The following LATS1 variants were observed in gnomAD, a reference collection of about 807,000 sequenced individuals.
LATS1 encodes the protein large tumor suppressor kinase 1, also known as serine/threonine-protein kinase LATS1.
Under a neutral mutation model 106.6 loss-of-function variants are expected in LATS1, and 25 were observed. The observed-to-expected ratio is 0.23, with a 90% CI of 0.17 to 0.33. The LOEUF (loss-of-function observed/expected upper bound fraction) is 0.33. Among genes scored for constraint, LATS1 ranks in the 10% least tolerant of loss-of-function variants. The probability of loss-of-function intolerance (pLI) is 1.00; values close to 1 mark genes in which losing one functional copy is unlikely to be tolerated. For missense variants in LATS1, 1,040 were observed against 1,382.6 expected (o/e 0.75, Z 3.93); for synonymous variants, 465 against 455.6 (o/e 1.02, Z -0.26).
At chr6:149,663,327 A>G (rs1780975392) in intron 7 of LATS1, among the ~76,000 whole-genome samples, 1 of 152,180 alleles carries the variant, frequency 6.6e-6, no homozygotes, top group Admixed American at 6.5e-5. Context: ...TACAAAAAAT[A>G]CAAAAGTTAG....
chr6:149,660,706 A>T lies in LATS1; in HGVS notation c.*1023T>A, dbSNP rs1780852281. 1 of 229,506 alleles carries T rather than the reference A, an allele frequency of 4.4e-6. No homozygotes were observed. The highest frequency in any genetic ancestry group is 2.2e-5 in the African/African-American group (1 of 45,134). 14.2% of individuals were successfully genotyped at this position (229,506 alleles called of 1,614,324 possible). A position where few individuals can be genotyped will look rare whatever the true frequency, so the allele number is the denominator to read the frequency against. ...TAAGACCACTCTGTAAACTTTCCTA[A>T]TTATTAATGGCCATCTTAAGAGTTA... On this transcript the variant is annotated 3_prime_UTR_variant, in exon 8 of 8. Transcript: ENST00000543571.
chr6:149,687,173 C>A (rs974592540), intron 3 of LATS1, among the ~76,000 whole-genome samples: 1 of 151,880 alleles, frequency 6.6e-6, no homozygotes, highest in Admixed American at 6.6e-5. Context: ...TCAGCGAAAC[C>A]TCTGCCTCCT....
At chr6:149,678,436 A>G (rs567066595) in intron 5 of LATS1, among the ~76,000 whole-genome samples, 2 of 152,162 alleles carry the variant, frequency 1.3e-5, no homozygotes, top group Non-Finnish European at 2.9e-5. Flanking sequence ...GAGCCTAGGA[A>G]TCATATTTTT....
chr6:149,686,844 C>T (rs1377861253), intron 3 of LATS1, among the ~76,000 whole-genome samples: 1 of 152,164 alleles, frequency 6.6e-6, no homozygotes, highest in African/African-American at 2.4e-5. Flanking sequence ...TCAATAACCA[C>T]GAGGATAAAC....
Position 149,702,184 on chromosome 6 carries a change from C to G in LATS1, c.-58G>C, listed in dbSNP as rs1783502504. 1 of 1,178,816 alleles carries G rather than the reference C, an allele frequency of 8.5e-7. No homozygotes were observed. 73.0% of individuals were successfully genotyped at this position (1,178,816 alleles called of 1,614,324 possible). ...ACTTCTTTATTTGATAGATCCAGAGCTTTCTTCTGAGCAAAAGTGAAAATG... is the reference window on the plus strand; with the variant it reads ...ACTTCTTTATTTGATAGATCCAGAGGTTTCTTCTGAGCAAAAGTGAAAATG... On this transcript the variant is annotated 5_prime_UTR_variant, in exon 2 of 8. Coordinates refer to ENST00000543571, the MANE Select transcript of LATS1 (RefSeq NM_004690.4).
chr6:149,682,724 C>T (rs569226129), intron 4 of LATS1, among the ~76,000 whole-genome samples: 1 of 152,092 alleles, frequency 6.6e-6, no homozygotes, highest in South Asian at 2.1e-4. Flanking sequence ...CTGAGACCCA[C>T]ATATTTCTAG....
At chr6:149,698,254 T>TCC (rs1783215632) in intron 2 of LATS1, among the ~76,000 whole-genome samples, 1 of 135,888 alleles carries the variant, frequency 7.4e-6, no homozygotes, top group Non-Finnish European at 1.6e-5. Flanking sequence ...TTTTTTTTTT[T>TCC]CCCATTAGAG....
chr6:149,667,021 G>A (rs1472523149), intron 7 of LATS1, among the ~76,000 whole-genome samples: 1 of 151,278 alleles, frequency 6.6e-6, no homozygotes, highest in Non-Finnish European at 1.5e-5. Flanking sequence ...AGAAATTGAA[G>A]ATATAAAGTA....
At chr6:149,713,204 C>G (rs907430433) in intron 1 of LATS1, among the ~76,000 whole-genome samples, 1 of 152,034 alleles carries the variant, frequency 6.6e-6, no homozygotes, top group Non-Finnish European at 1.5e-5. Flanking sequence ...ATCTCCCCTC[C>G]AAAGCAGAGA....
In LATS1 at chr6:149,674,020, T is replaced by C. The variant is rs560269529; in HGVS notation, c.2883+2240A>G. Among the ~76,000 whole-genome samples, 5 of 151,370 alleles carry C rather than the reference T, an allele frequency of 3.3e-5. No individual in the cohort carries two copies. In the South Asian group the frequency reaches 6.3e-4, roughly 19 times the overall value. On this transcript the variant is annotated intron_variant, in intron 7 of 7. Coordinates refer to ENST00000543571, the MANE Select transcript of LATS1 (RefSeq NM_004690.4). ...TTAAATGCAATGACTGAAGAAGTTATAGCTTAAGAAAGGTGGAAATCAAAG... is the reference window on the plus strand; with the variant it reads ...TTAAATGCAATGACTGAAGAAGTTACAGCTTAAGAAAGGTGGAAATCAAAG...
Position 149,662,321 on chromosome 6 carries a change from C to G in LATS1, c.2884-83G>C. Reference sequence around the variant, plus strand: ...TTCAAGTTTTATACCAAAAGTCTCACTGGGCTATTTTTGTATTTTAAATAA... The same window carrying G: ...TTCAAGTTTTATACCAAAAGTCTCAGTGGGCTATTTTTGTATTTTAAATAA... On this transcript the variant is annotated intron_variant, in intron 7 of 7. Transcript: ENST00000543571. The G allele has an allele frequency of 2.6e-6, 3 of 1,157,124 alleles. No homozygotes were observed. The Admixed American group carries it at 7.1e-5, about 28-fold the overall frequency. 71.7% of individuals were successfully genotyped at this position (1,157,124 alleles called of 1,614,324 possible). A position where few individuals can be genotyped will look rare whatever the true frequency, so the allele number is the denominator to read the frequency against.
chr6:149,670,008 C>T lies in LATS1; in HGVS notation c.2883+6252G>A, dbSNP rs147214427. Among the ~76,000 whole-genome samples, 719 of 151,042 alleles carry T rather than the reference C, an allele frequency of 4.8e-3. 17 individuals are homozygous for T. The highest frequency in any genetic ancestry group is 0.017 in the African/African-American group (682 of 40,954). The stretch of plus-strand genomic sequence containing the variant: ...CCAACACAGTGAAACCCTGTCTCTA[C>T]TAAAAATACAAAAATTAGCCAGGTG... On this transcript the variant is annotated intron_variant, in intron 7 of 7. Transcript: ENST00000543571.
Position 149,689,781 on chromosome 6 carries a change from T to A in LATS1, c.497-5189A>T, listed in dbSNP as rs141889394. Among the ~76,000 whole-genome samples, 1,146 of 152,260 alleles carry A rather than the reference T, an allele frequency of 7.5e-3. 22 individuals are homozygous for A. The highest frequency in any genetic ancestry group is 0.027 in the African/African-American group (1,111 of 41,550). On this transcript the variant is annotated intron_variant, in intron 3 of 7. Transcript: ENST00000543571. ...AGCTTCCTTACATAACCTAGGCCCGTCTGCTGCTGTTAGAGAAAAATGACT... is the reference window on the plus strand; with the variant it reads ...AGCTTCCTTACATAACCTAGGCCCGACTGCTGCTGTTAGAGAAAAATGACT...
In LATS1 at chr6:149,680,167, A is replaced by G; in HGVS notation, c.2301T>C (p.Arg767=). ...LAEADNEWVV[R]LYYSFQDKDN... is the part of the protein sequence containing the mutation. ...CCTTATCTTGGAATGAATAATATAG[A>G]CGAACTACCCATTCATTGTCAGCTT... The change falls in exon 5 of 8, where the codon CGT becomes CGC. Residue 767 remains arginine (R), a synonymous_variant. Coordinates refer to ENST00000543571, the MANE Select transcript of LATS1 (RefSeq NM_004690.4). The G allele has an allele frequency of 6.2e-7, 1 of 1,614,104 alleles. No homozygotes were observed. Among genetic ancestry groups the G allele is most frequent in the South Asian group, 1.1e-5 (1 of 91,078 alleles).
intron 7 of LATS1, among the ~76,000 whole-genome samples, chr6:149,673,154 T>C (rs1486068244): frequency 6.7e-6 from 1 of 148,932 alleles, no homozygotes; most frequent in Non-Finnish European, 1.5e-5. Context: ...TGGAGTGCAG[T>C]GGTATAATCA....
rs777341370 is a variant in LATS1, at chr6:149,683,240, C to T, written c.1849G>A (p.Val617Ile). The change falls in exon 4 of 8, where the codon GTT (valine) becomes ATT (isoleucine). Residue 617 changes from valine to isoleucine, a missense_variant. By Grantham distance (29) the Val-to-Ile change is conservative. Transcript: ENST00000543571. Reference protein sequence around the residue: ...KKQITTSPITVRKNKKDEERR... With the variant: ...KKQITTSPITIRKNKKDEERR... ...TCTTCATCTTTCTTGTTTTTCCTAA[C>T]AGTAATAGGTGAAGTTGTAATCTGT... 5 of 1,613,830 alleles carry T rather than the reference C, an allele frequency of 3.1e-6. No individual in the cohort carries two copies. In the South Asian group the frequency reaches 5.5e-5, roughly 18 times the overall value.
rs775486904 is a variant in LATS1, at chr6:149,680,495, T to C, written c.2011-38A>G. The C allele has an allele frequency of 2.9e-6, 4 of 1,375,210 alleles. No homozygotes were observed. In the South Asian group the frequency reaches 5.5e-5, roughly 19 times the overall value. 85.2% of individuals were successfully genotyped at this position (1,375,210 alleles called of 1,614,324 possible). On this transcript the variant is annotated intron_variant, in intron 4 of 7. Coordinates refer to ENST00000543571, the MANE Select transcript of LATS1 (RefSeq NM_004690.4). Reference sequence around the variant, plus strand: ...ACTAGATGTTAAATAAGAATTATCTTCTTCAATATTGAATATTAAGAAATA... The same window carrying C: ...ACTAGATGTTAAATAAGAATTATCTCCTTCAATATTGAATATTAAGAAATA...
In LATS1 at chr6:149,676,539, G is replaced by A. The variant is rs764637743; in HGVS notation, c.2776+16C>T. 1.3e-5 allele frequency: 21 copies of A among 1,608,732 alleles called. No homozygotes were observed. The highest frequency in any genetic ancestry group is 9.9e-5 in the South Asian group (9 of 90,956). ...CTAAAGGTCTACTGAGAATATATAT[G>A]AAAGAAGTGCTTTACCTGTTCGTAG... On this transcript the variant is annotated intron_variant, in intron 6 of 7. Coordinates refer to ENST00000543571, the MANE Select transcript of LATS1 (RefSeq NM_004690.4).
In LATS1 at chr6:149,661,376, T is replaced by C. The variant is rs1450003691; in HGVS notation, c.*353A>G. ...AACTAAAACTGTCTTTCAAAAAAAT[T>C]TCAAAAACTCTTGTATTTTAAAATT... is the stretch of plus-strand genomic sequence containing the variant. On this transcript the variant is annotated 3_prime_UTR_variant, in exon 8 of 8. Coordinates refer to ENST00000543571, the MANE Select transcript of LATS1 (RefSeq NM_004690.4). 4.1e-6 allele frequency: 1 copy of C among 243,572 alleles called. No individual in the cohort carries two copies. 15.1% of individuals were successfully genotyped at this position (243,572 alleles called of 1,614,324 possible). A position where few individuals can be genotyped will look rare whatever the true frequency, so the allele number is the denominator to read the frequency against.
Sources: allele counts gnomAD v4.1 joint callset (sites outside exome capture counted in the v4.1 genomes callset), GRCh38; gene constraint gnomAD v4.1.1; transcripts MANE v1.5; gene names NCBI Gene and HGNC (gene_info 2026-07-23, HGNC 2026-07-21).